The following EIF2AK2 variants were observed in gnomAD, a reference collection of about 807,000 sequenced individuals.
EIF2AK2 encodes eukaryotic translation initiation factor 2 alpha kinase 2.
A neutral mutation model predicts 70.5 loss-of-function variants in EIF2AK2; 40 were observed. The observed-to-expected ratio is 0.57, with a 90% CI of 0.44 to 0.74. EIF2AK2 has a LOEUF of 0.74. Among genes scored for constraint, EIF2AK2 ranks in the 30% least tolerant of loss-of-function variants. The pLI is 0.00. For missense variants in EIF2AK2, 555 were observed against 644.3 expected (o/e 0.86, Z 1.50); for synonymous variants, 198 against 220.9 (o/e 0.90, Z 0.92).
At chr2:37,141,475 G>T in intron 5 of EIF2AK2, 78 bp downstream of exon 5, 1 of 1,546,656 alleles carries the variant, frequency 6.5e-7, no homozygotes, top group Non-Finnish European at 8.7e-7. Context: ...CATATTTCTG[G>T]AAAATTAGAC....
intron 6 of EIF2AK2, among the ~76,000 whole-genome samples, chr2:37,138,794 TTTG>T (rs1413820105): frequency 6.6e-6 from 1 of 152,054 alleles, no homozygotes. Context: ...GGGCAGATAT[TTTG>T]TTTGTTTCTT....
intron 1 of EIF2AK2, among the ~76,000 whole-genome samples, chr2:37,156,213 C>T (rs1675918374): frequency 6.6e-6 from 1 of 152,100 alleles, no homozygotes; most frequent in Admixed American, 6.5e-5. Context: ...CTTGGCTGTG[C>T]ACCAGGAACA....
intron 1 of EIF2AK2, among the ~76,000 whole-genome samples, 191 bp downstream of exon 1, chr2:37,156,717 C>T (rs1009370559): frequency 2.0e-5 from 3 of 152,186 alleles, no homozygotes; most frequent in African/African-American, 7.2e-5. Context: ...GCCCCACACC[C>T]GGGCTGCGGA....
chr2:37,147,584 A>G (rs1248895710), intron 3 of EIF2AK2, 104 bp downstream of exon 3: 1 of 688,086 alleles, frequency 1.5e-6, no homozygotes, highest in African/African-American at 1.8e-5. Flanking sequence ...TGTCCTTGCG[A>G]TAGTTTGCTG....
chr2:37,150,374 CTT>C (rs888278450), intron 1 of EIF2AK2, among the ~76,000 whole-genome samples: 1 of 152,094 alleles, frequency 6.6e-6, no homozygotes, highest in African/African-American at 2.4e-5. Context: ...AAATAAAACA[CTT>C]TAATTCTATT....
At chr2:37,128,428 C>T (rs559351485) in intron 10 of EIF2AK2, among the ~76,000 whole-genome samples, 5 of 152,054 alleles carry the variant, frequency 3.3e-5, no homozygotes, top group Non-Finnish European at 7.4e-5. Context: ...ATATTAATAA[C>T]TTGTATAGAT....
chr2:37,129,107 T>C (rs1271014582), intron 10 of EIF2AK2, among the ~76,000 whole-genome samples: 5 of 150,600 alleles, frequency 3.3e-5, no homozygotes, highest in African/African-American at 4.9e-5. Context: ...CCAGACATCT[T>C]GGTGGGAGCT....
Position 37,141,549 on chromosome 2 carries a change from T to G in EIF2AK2, c.389+4A>C. ...ACAGAAAGAAAAGCCAAATTATGTC[T>G]TACCCTTCTGGCCCATGCACCCCCG... On this transcript the variant is annotated splice_donor_region_variant and intron_variant, in intron 5 of 16. Transcript: ENST00000233057. 1 of 1,608,302 alleles carries G rather than the reference T, an allele frequency of 6.2e-7. No individual in the cohort carries two copies. The highest frequency in any genetic ancestry group is 1.1e-5 in the South Asian group (1 of 88,736).
intron 13 of EIF2AK2, among the ~76,000 whole-genome samples, chr2:37,115,628 A>C (rs1674316136): frequency 6.6e-6 from 1 of 152,164 alleles, no homozygotes; most frequent in Admixed American, 6.5e-5. Context: ...ATATGAGTCC[A>C]TGATCTGATA....
intron 12 of EIF2AK2, among the ~76,000 whole-genome samples, chr2:37,120,943 G>A (rs1484239462): frequency 2.1e-5 from 3 of 143,084 alleles, no homozygotes; most frequent in East Asian, 2.0e-4. Context: ...CCGCATGAGC[G>A]ATAGAGTAAG....
chr2:37,155,939 C>CAAA (rs756767460), intron 1 of EIF2AK2, among the ~76,000 whole-genome samples: 1 of 110,830 alleles, frequency 9.0e-6, no homozygotes, highest in South Asian at 3.0e-4. Context: ...GAATCTGTCT[C>CAAA]AAAAAAAAAA....
At chr2:37,122,955 C>T (rs770938206) in intron 11 of EIF2AK2, among the ~76,000 whole-genome samples, 3 of 152,092 alleles carry the variant, frequency 2.0e-5, no homozygotes, top group Non-Finnish European at 4.4e-5. Flanking sequence ...ATCACGAGGT[C>T]AGGAGTTCAA....
At chr2:37,147,298 T>C (rs1366411337) in intron 3 of EIF2AK2, among the ~76,000 whole-genome samples, 1 of 151,210 alleles carries the variant, frequency 6.6e-6, no homozygotes, top group Admixed American at 6.6e-5. Context: ...TAAGGTCATA[T>C]CTTTTTTCTT....
At chr2:37,126,967 G>GAAAAAAAAAAAAAAAAAAAAAAAAAAAA (rs57802509) in intron 10 of EIF2AK2, among the ~76,000 whole-genome samples, 1 of 52,168 alleles carries the variant, frequency 1.9e-5, no homozygotes, top group Non-Finnish European at 3.4e-5. Context: ...CAAAAAAACA[G>GAAAAAAAAAAAAAAAAAAAAAAAAAAAA]AAAAAAAAAA....
At chr2:37,141,476 A>T in intron 5 of EIF2AK2, 77 bp downstream of exon 5, 1 of 1,551,176 alleles carries the variant, frequency 6.4e-7, no homozygotes, top group Non-Finnish European at 8.7e-7. Context: ...ATATTTCTGG[A>T]AAATTAGACA....
chr2:37,126,212 A>G, intron 11 of EIF2AK2, 77 bp downstream of exon 11: 1 of 1,462,838 alleles, frequency 6.8e-7, no homozygotes, highest in East Asian at 2.4e-5. Context: ...CTAATAAAGA[A>G]GAGAGAAGCA....
At chr2:37,120,378 G>A (rs1195651944) in intron 12 of EIF2AK2, among the ~76,000 whole-genome samples, 2 of 150,990 alleles carry the variant, frequency 1.3e-5, no homozygotes, top group African/African-American at 4.9e-5. Flanking sequence ...GGTGGCGGGC[G>A]CCTGTAGTCC....
intron 15 of EIF2AK2, among the ~76,000 whole-genome samples, chr2:37,108,700 GT>G (rs1277924432): frequency 6.6e-6 from 1 of 152,160 alleles, no homozygotes; most frequent in Non-Finnish European, 1.5e-5. Context: ...CCCCTGAGTA[GT>G]TGGGATTACA....
At chr2:37,149,136 G>T in intron 1 of EIF2AK2, 113 bp from the exon 2 acceptor site, 1 of 924,134 alleles carries the variant, frequency 1.1e-6, no homozygotes, top group Non-Finnish European at 1.8e-6. Context: ...GATTTTTATT[G>T]GGATGGACCT....
Sources: gnomAD v4.1 joint callset for allele counts (sites outside exome capture counted in the v4.1 genomes callset) on GRCh38, gnomAD v4.1.1 for gene constraint, MANE v1.5 for transcripts, NCBI Gene and HGNC (gene_info 2026-07-23, HGNC 2026-07-21) for gene names.